Variants in PCCA observed in about 807,000 individuals in gnomAD.
PCCA encodes propionyl-CoA carboxylase alpha chain, mitochondrial.
In PCCA, 74 loss-of-function variants were observed where a neutral mutation model predicts 101.3. That is an observed-to-expected ratio of 0.73 (90% CI 0.61 to 0.89). The LOEUF (loss-of-function observed/expected upper bound fraction) is 0.89. PCCA is among the 40% of genes least tolerant of loss of function. The pLI is 0.00. For missense variants in PCCA, 891 were observed against 907.0 expected, an observed-to-expected ratio of 0.98 and a Z score of 0.23; for synonymous variants, 294 against 313.6, an observed-to-expected ratio of 0.94 and a Z score of 0.66.
intron 19 of PCCA, among the ~76,000 whole-genome samples, chr13:100,405,950 A>G (rs1220323048): frequency 6.6e-6 from 1 of 151,994 alleles, no homozygotes; most frequent in East Asian, 1.9e-4. Context: ...TACTTTTAGT[A>G]GAGACAAGAT....
At chr13:100,215,383 A>G (rs929927999) in intron 7 of PCCA, among the ~76,000 whole-genome samples, 1 of 152,218 alleles carries the variant, frequency 6.6e-6, no homozygotes, top group African/African-American at 2.4e-5. Flanking sequence ...AGCTTACACT[A>G]TAGAAGGAAA....
intron 19 of PCCA, among the ~76,000 whole-genome samples, chr13:100,391,355 T>G (rs1209411826): frequency 6.6e-6 from 1 of 152,124 alleles, no homozygotes; most frequent in Non-Finnish European, 1.5e-5. Flanking sequence ...TGATGGCTGC[T>G]GTGGGGGAAG....
chr13:100,275,263 T>C (rs552683306), intron 12 of PCCA, among the ~76,000 whole-genome samples: 2 of 152,142 alleles, frequency 1.3e-5, no homozygotes, highest in African/African-American at 2.4e-5. Flanking sequence ...GGGAGACTCC[T>C]GTGGGCCCTG....
chr13:100,260,784 G>A lies in PCCA; in HGVS notation c.717-1945G>A, dbSNP rs571570675. 2.0e-5 allele frequency among the ~76,000 whole-genome samples: 3 copies of A among 151,922 alleles called. No homozygotes were observed. In the South Asian group the frequency reaches 6.2e-4, roughly 32 times the overall value. On this transcript the variant is annotated intron_variant, in intron 9 of 23. Transcript: ENST00000376285. Reference sequence around the variant, plus strand: ...TTGTAATAATTAAAACGCATCTTAAGTGTACCAACCTGGATTACTATATGA... The same window carrying A: ...TTGTAATAATTAAAACGCATCTTAAATGTACCAACCTGGATTACTATATGA...
At chr13:100,090,978 C>T (rs948361599) in intron 1 of PCCA, among the ~76,000 whole-genome samples, 1 of 67,000 alleles carries the variant, frequency 1.5e-5, no homozygotes, top group East Asian at 5.5e-4. Flanking sequence ...ATGAAGTGAC[C>T]TTTTCTAACA....
chr13:100,423,318 T>C (rs938049905), intron 19 of PCCA, among the ~76,000 whole-genome samples: 1 of 152,210 alleles, frequency 6.6e-6, no homozygotes, highest in Non-Finnish European at 1.5e-5. Context: ...CAGCCCACCT[T>C]TCTCTGGTAT....
At chr13:100,275,230 C>T (rs1334730267) in intron 12 of PCCA, among the ~76,000 whole-genome samples, 1 of 152,132 alleles carries the variant, frequency 6.6e-6, no homozygotes, top group Non-Finnish European at 1.5e-5. Flanking sequence ...GCCGTGTCTT[C>T]ATGCCTGTGC....
intron 19 of PCCA, among the ~76,000 whole-genome samples, chr13:100,399,632 A>C (rs1016474554): frequency 1.8e-4 from 28 of 152,226 alleles, no homozygotes; most frequent in African/African-American, 6.8e-4. Flanking sequence ...AGTTGTTGGC[A>C]GTCTTATCAG....
At position 100,181,597 on chromosome 13, in the gene PCCA, A is replaced by AT. The variant is rs568505851; in HGVS notation, c.468+24263dup. ...ACCACCATGCCTGGCTAATTTTTGT[A>AT]TTTTTTGTAGAGATGTGGTCTCGCC... On this transcript the variant is annotated intron_variant, in intron 6 of 23. Transcript: ENST00000376285. Among the ~76,000 whole-genome samples the AT allele has an allele frequency of 1.5e-4, 23 of 151,498 alleles. 1 individual carries two copies. In the East Asian group the frequency reaches 4.1e-3, roughly 27 times the overall value.
chr13:100,270,246 A>G (rs529096672), intron 11 of PCCA, among the ~76,000 whole-genome samples: 11 of 152,132 alleles, frequency 7.2e-5, no homozygotes, highest in Non-Finnish European at 1.2e-4. Context: ...CTGAAGTTAG[A>G]CACTTAGCTA....
chr13:100,175,193 G>T (rs1248101079), intron 6 of PCCA, among the ~76,000 whole-genome samples: 1 of 152,106 alleles, frequency 6.6e-6, no homozygotes, highest in Admixed American at 6.5e-5. Context: ...CAAGTCCCTG[G>T]TGAGTTTTAG....
At chr13:100,142,446 T>C (rs1322597196) in intron 4 of PCCA, among the ~76,000 whole-genome samples, 1 of 151,886 alleles carries the variant, frequency 6.6e-6, no homozygotes, top group African/African-American at 2.4e-5. Context: ...TAACTCCTCC[T>C]GAAATCTCTA....
chr13:100,489,722 C>G (rs1324834234), intron 21 of PCCA, among the ~76,000 whole-genome samples: 1 of 152,166 alleles, frequency 6.6e-6, no homozygotes, highest in Non-Finnish European at 1.5e-5. Flanking sequence ...TAATTTTACC[C>G]AGGCCACTGC....
chr13:100,146,236 G>A (rs1175866334), intron 4 of PCCA, among the ~76,000 whole-genome samples: 1 of 149,450 alleles, frequency 6.7e-6, no homozygotes, highest in African/African-American at 2.4e-5. Flanking sequence ...CCACCGCACC[G>A]GCCAGCTTTG....
intron 6 of PCCA, among the ~76,000 whole-genome samples, chr13:100,194,388 C>T (rs1003055276): frequency 6.6e-6 from 1 of 152,084 alleles, no homozygotes; most frequent in Non-Finnish European, 1.5e-5. Flanking sequence ...AGAGAATATA[C>T]AAAGCCAATT....
intron 7 of PCCA, among the ~76,000 whole-genome samples, 181 bp downstream of exon 7, chr13:100,209,644 T>C (rs957570179): frequency 6.6e-6 from 1 of 152,196 alleles, no homozygotes. Context: ...TTTATTTATT[T>C]ATTTGAGATG....
At chr13:100,269,377 A>C (rs1430506812) in intron 11 of PCCA, among the ~76,000 whole-genome samples, 1 of 152,178 alleles carries the variant, frequency 6.6e-6, no homozygotes, top group Non-Finnish European at 1.5e-5. Context: ...ATGGAACCTG[A>C]TGGTACTTCA....
chr13:100,255,160 A>C (rs767954255), intron 8 of PCCA, among the ~76,000 whole-genome samples: 6 of 152,180 alleles, frequency 3.9e-5, no homozygotes, highest in Non-Finnish European at 7.3e-5. Flanking sequence ...GATTTTGGTC[A>C]GGGAATCTTG....
chr13:100,365,821 A>G (rs1238991870), intron 18 of PCCA, among the ~76,000 whole-genome samples: 1 of 151,862 alleles, frequency 6.6e-6, no homozygotes, highest in African/African-American at 2.4e-5. Context: ...TATTGTTACA[A>G]TCTTTTATAC....
Sources: gnomAD v4.1 joint callset for allele counts (sites outside exome capture counted in the v4.1 genomes callset) on GRCh38, gnomAD v4.1.1 for gene constraint, MANE v1.5 for transcripts, NCBI Gene and HGNC (gene_info 2026-07-23, HGNC 2026-07-21) for gene names.